The following TNS1 variants were observed in gnomAD, a reference collection of about 807,000 sequenced individuals.
TNS1 encodes tensin-1.
TNS1 carries 62 observed loss-of-function variants against 168.6 expected under a neutral mutation model. The ratio of observed to expected loss-of-function variants is 0.37; its 90% CI spans 0.30 to 0.45. TNS1 has a LOEUF of 0.45. TNS1 is among the 20% of genes least tolerant of loss of function. TNS1 has a pLI of 1.00. For synonymous variants in TNS1, 934 were observed against 933.2 expected (o/e 1.00, Z -0.02); for missense variants, 2,240 against 2,339.4 (o/e 0.96, Z 0.88).
chr2:217,833,579 T>C (rs961504562), intron 21 of TNS1, among the ~76,000 whole-genome samples: 4 of 152,102 alleles, frequency 2.6e-5, no homozygotes, highest in African/African-American at 9.7e-5. Context: ...CAGCTAACAG[T>C]GAATGGAAGC....
Position 217,880,107 on chromosome 2 carries a change from C to A in TNS1, c.1429+791G>T, listed in dbSNP as rs952921829. Among the ~76,000 whole-genome samples, 1 of 152,160 alleles carries A rather than the reference C, an allele frequency of 6.6e-6. No individual in the cohort carries two copies. The highest frequency in any genetic ancestry group is 1.5e-5 in the Non-Finnish European group (1 of 68,038). On this transcript the variant is annotated intron_variant, in intron 18 of 32. Transcript: ENST00000682258. This position sits in a 1 kb window ranked among gnomAD's most constrained non-coding sequence, Gnocchi z 4.2. ...CAAGAAAAGAAGCTTGTGGCCAAAC[C>A]CCAGGCAGGGCATCTCAAGAGTTCC...
intron 19 of TNS1, among the ~76,000 whole-genome samples, chr2:217,841,676 C>T (rs540386797): frequency 6.6e-6 from 1 of 152,192 alleles, no homozygotes; most frequent in East Asian, 1.9e-4. Context: ...TCACGCATCC[C>T]TCACCTGCTC....
intron 3 of TNS1, 78 bp downstream of exon 3, chr2:217,978,687 G>C: frequency 3.0e-6 from 2 of 673,374 alleles, no homozygotes; most frequent in South Asian, 3.1e-5. Flanking sequence ...CGCCCCGCCG[G>C]CGCCCCCGCT....
intron 32 of TNS1, among the ~76,000 whole-genome samples, chr2:217,805,573 ACCACACACACAACACACAC>A (rs2125040932): frequency 3.0e-3 from 1 of 336 alleles, no homozygotes; most frequent in Non-Finnish European, 5.7e-3. Flanking sequence ...CACCACACAC[ACCACACACACAACACACAC>A]CACCACACAC....
intron 4 of TNS1, among the ~76,000 whole-genome samples, chr2:217,910,248 G>C (rs925706445): frequency 6.6e-6 from 1 of 152,008 alleles, no homozygotes; most frequent in East Asian, 1.9e-4. Context: ...GCTGGAGGCC[G>C]GCCACAGGGT....
At chr2:217,846,130 G>A (rs1946616163) in intron 19 of TNS1, among the ~76,000 whole-genome samples, 2 of 152,272 alleles carry the variant, frequency 1.3e-5, no homozygotes, top group South Asian at 2.1e-4. Context: ...CGTTTCATCC[G>A]AGGTTAAGAA....
intron 18 of TNS1, among the ~76,000 whole-genome samples, chr2:217,851,133 CACACACAT>C (rs1402831263): frequency 2.0e-5 from 3 of 150,102 alleles, no homozygotes; most frequent in African/African-American, 7.3e-5. Context: ...AACACACACA[CACACACAT>C]ACACACAAAT....
intron 1 of TNS1, among the ~76,000 whole-genome samples, chr2:218,031,510 G>A (rs944582667): frequency 2.0e-5 from 3 of 146,342 alleles, no homozygotes; most frequent in African/African-American, 5.0e-5. Flanking sequence ...CTGTGTGTAT[G>A]AGTGTGTCTT....
rs1395694084 is a variant in TNS1, at chr2:217,841,939, A to ATG, written c.3007+5569_3007+5570dup. The ATG allele has an allele frequency of 4.8e-6, 3 of 624,492 alleles. No individual in the cohort carries two copies. In the African/African-American group the frequency reaches 5.5e-5, roughly 12 times the overall value. The allele number at this position is 624,492 out of a possible 1,614,324, so 38.7% of individuals were successfully genotyped here. A position where few individuals can be genotyped will look rare whatever the true frequency, so the allele number is the denominator to read the frequency against. On this transcript the variant is annotated intron_variant, in intron 19 of 32. Coordinates refer to ENST00000682258, the MANE Select transcript of TNS1 (RefSeq NM_001387777.1). ...CTCAGATGCACTAGAAGGACCTGCT[A>ATG]TGTTATCCTTTCCTTGCCCCTTGTT... is the stretch of plus-strand genomic sequence containing the variant.
rs1939720101 is a variant in TNS1 at position 217,808,656 on chromosome 2, G to T, written c.5289C>A (p.Arg1763=). The change falls in exon 31 of 33, where the codon CGC becomes CGA. Residue 1763 remains arginine, a synonymous_variant. Transcript: ENST00000682258. The part of the protein sequence containing the change: ...TDNQRKLFFR[R]HYPLNTVTFC... ...AGGTGACAGTGTTGAGAGGGTAGTG[G>T]CGTCTGAAAAAGAGCCTGCAGCACA... 1 of 1,613,932 alleles carries T rather than the reference G, an allele frequency of 6.2e-7. No homozygotes were observed. The highest frequency in any genetic ancestry group is 1.7e-5 in the Admixed American group (1 of 59,996).
chr2:217,899,044 C>T (rs1011290935), intron 7 of TNS1, among the ~76,000 whole-genome samples: 1 of 152,180 alleles, frequency 6.6e-6, no homozygotes, highest in Non-Finnish European at 1.5e-5. Context: ...TGGAGGGCAG[C>T]GAAAGGAATA....
At chr2:217,967,116 G>A (rs1385317223) in intron 3 of TNS1, among the ~76,000 whole-genome samples, 2 of 152,098 alleles carry the variant, frequency 1.3e-5, no homozygotes, top group Admixed American at 6.5e-5. Flanking sequence ...TCAGGAGATC[G>A]AGATCATCCT....
At position 218,002,911 on chromosome 2, in the gene TNS1, G is replaced by A. The variant is rs138864616; in HGVS notation, c.-39C>T. 526 of 456,700 alleles carry A rather than the reference G, an allele frequency of 1.2e-3. 3 individuals carry two copies. The highest frequency in any genetic ancestry group is 7.3e-3 in the African/African-American group (366 of 50,180). 28.3% of individuals were successfully genotyped at this position (456,700 alleles called of 1,614,324 possible). A position where few individuals can be genotyped will look rare whatever the true frequency, so the allele number is the denominator to read the frequency against. On this transcript the variant is annotated 5_prime_UTR_variant, in exon 1 of 33. Coordinates refer to ENST00000682258, the MANE Select transcript of TNS1 (RefSeq NM_001387777.1). ...CGTCACTGAGGCACGCCCAGGGCCTGTGAAGAGCCCCTGAAGCTAGAGTCC... is the reference window on the plus strand; with the variant it reads ...CGTCACTGAGGCACGCCCAGGGCCTATGAAGAGCCCCTGAAGCTAGAGTCC...
In TNS1 at chr2:217,808,600, T is replaced by C; in HGVS notation, c.5342+3A>G. 1 of 1,613,982 alleles carries C rather than the reference T, an allele frequency of 6.2e-7. No homozygotes were observed. Among genetic ancestry groups the C allele is most frequent in the South Asian group, 1.1e-5 (1 of 91,058 alleles). The stretch of plus-strand genomic sequence containing the variant: ...GGAGAGAAGCTGTGTACAAGAGACT[T>C]ACTTTCTTTCCTGTGGATCCAGGTC... On this transcript the variant is annotated splice_donor_region_variant and intron_variant, in intron 31 of 32. Transcript: ENST00000682258.
rs1413080918 is a variant in TNS1, at chr2:217,884,958, C to T, written c.1246+77G>A. On this transcript the variant is annotated intron_variant, in intron 16 of 32. Coordinates refer to ENST00000682258, the MANE Select transcript of TNS1 (RefSeq NM_001387777.1). ...TGGTCCAGAAAAGATGGTCCCCATACCCACCATATCGTCTCAAACTGAGCT... is the reference window on the plus strand; with the variant it reads ...TGGTCCAGAAAAGATGGTCCCCATATCCACCATATCGTCTCAAACTGAGCT... 3.8e-5 allele frequency: 60 copies of T among 1,578,794 alleles called. No homozygotes were observed. In the Admixed American group the frequency reaches 8.1e-4, roughly 21 times the overall value.
At chr2:217,964,528 C>T (rs1957575762) in intron 3 of TNS1, among the ~76,000 whole-genome samples, 1 of 152,146 alleles carries the variant, frequency 6.6e-6, no homozygotes, top group Non-Finnish European at 1.5e-5. Flanking sequence ...TGTGCCCTAG[C>T]GATTATATTA....
intron 2 of TNS1, 96 bp from the exon 3 acceptor site, chr2:217,978,898 C>A (rs747516807): frequency 2.1e-4 from 143 of 694,066 alleles, no homozygotes; most frequent in Admixed American, 6.2e-4. Context: ...GCAATCCGCG[C>A]TCGGGAAGGA....
At chr2:217,951,472 C>T (rs1957239329) in intron 3 of TNS1, among the ~76,000 whole-genome samples, 1 of 152,182 alleles carries the variant, frequency 6.6e-6, no homozygotes. Context: ...CTTTATGAAT[C>T]CCATTTTACA....
chr2:217,908,577 A>G (rs1953972186), intron 4 of TNS1, among the ~76,000 whole-genome samples: 2 of 152,140 alleles, frequency 1.3e-5, no homozygotes, highest in Admixed American at 1.3e-4. Flanking sequence ...TGATCCTCTA[A>G]AAGGTTCCGG....
Sources: allele counts gnomAD v4.1 joint callset (sites outside exome capture counted in the v4.1 genomes callset), GRCh38; gene constraint gnomAD v4.1.1; non-coding constraint Gnocchi (gnomAD v3.1); transcripts MANE v1.5; gene names NCBI Gene and HGNC (gene_info 2026-07-23, HGNC 2026-07-21).